IFT88: variants seen among roughly 807,000 people sequenced by gnomAD.
The protein encoded by IFT88 is intraflagellar transport 88.
Under a neutral mutation model 119.5 loss-of-function variants are expected in IFT88, and 74 were observed. The ratio of observed to expected loss-of-function variants is 0.62; its 90% CI spans 0.51 to 0.75. The LOEUF (loss-of-function observed/expected upper bound fraction) is 0.75. Among genes scored for constraint, IFT88 ranks in the 30% least tolerant of loss-of-function variants. The pLI, the probability that IFT88 is intolerant of heterozygous loss-of-function variation, is 0.00. For synonymous variants in IFT88, 279 were observed against 316.7 expected (o/e 0.88, Z 1.26); for missense variants, 961 against 977.7 (o/e 0.98, Z 0.23).
intron 16 of IFT88, chr13:20,631,773 G>C (rs868655062): frequency 2.0e-5 from 3 of 152,340 alleles, no homozygotes; most frequent in Admixed American, 6.5e-5. Flanking sequence ...GCAAGGAACT[G>C]CTGGGAGGGA....
At chr13:20,651,621 G>T (rs926463862) in intron 20 of IFT88, among the ~76,000 whole-genome samples, 1 of 151,660 alleles carries the variant, frequency 6.6e-6, no homozygotes, top group South Asian at 2.1e-4. Flanking sequence ...GTTACCCTCA[G>T]TAAAGTACAA....
chr13:20,690,093 A>AG (rs1185418391), intron 24 of IFT88, among the ~76,000 whole-genome samples: 5 of 152,188 alleles, frequency 3.3e-5, no homozygotes, highest in Non-Finnish European at 7.4e-5. Context: ...TTATTCCCAG[A>AG]GACATTATCA....
intron 1 of IFT88, among the ~76,000 whole-genome samples, chr13:20,573,652 C>T (rs2036819678): frequency 6.6e-6 from 1 of 152,176 alleles, no homozygotes; most frequent in South Asian, 2.1e-4. Flanking sequence ...TATCATTTTA[C>T]ACTCCCATCA....
At chr13:20,657,610 A>T (rs956187990) in intron 22 of IFT88, among the ~76,000 whole-genome samples, 1 of 152,108 alleles carries the variant, frequency 6.6e-6, no homozygotes, top group Admixed American at 6.5e-5. Flanking sequence ...ATAAAATAAT[A>T]TGCTGGAAAC....
rs1458276396 is a variant in IFT88, at chr13:20,596,230, A to C, written c.479A>C (p.Asp160Ala). Residue 160 changes from aspartate (D) to alanine (A), a missense_variant, in exon 8 of 26, where the codon GAC becomes GCC. Coordinates refer to ENST00000351808, the MANE Select transcript of IFT88 (RefSeq NM_006531.5). ...AGCTGTATTGCCAATAGTTGTGGAG[A>C]CTTAAAATTGGTAAGTTCATAAACA... The part of the protein sequence containing the change: ...EESCIANSCG[D>A]LKLALEKAKD... The C allele has an allele frequency of 6.7e-7, 1 of 1,493,416 alleles. No individual in the cohort carries two copies. Among genetic ancestry groups the C allele is most frequent in the African/African-American group, 1.4e-5 (1 of 71,774 alleles). The allele number at this position is 1,493,416 out of a possible 1,614,324, so 92.5% of individuals were successfully genotyped here. A position where few individuals can be genotyped will look rare whatever the true frequency, so the allele number is the denominator to read the frequency against.
At chr13:20,655,293 T>C (rs1415595545) in intron 21 of IFT88, among the ~76,000 whole-genome samples, 1 of 151,518 alleles carries the variant, frequency 6.6e-6, no homozygotes, top group Non-Finnish European at 1.5e-5. Flanking sequence ...TTAGCTGGGC[T>C]TGGTGGTGCA....
At chr13:20,661,726 CTCCA>C (rs1349455935) in intron 22 of IFT88, among the ~76,000 whole-genome samples, 1 of 142,322 alleles carries the variant, frequency 7.0e-6, no homozygotes, top group Non-Finnish European at 1.5e-5. Flanking sequence ...CAGAGCAAGA[CTCCA>C]TCTTAAAAAA....
intron 3 of IFT88, among the ~76,000 whole-genome samples, chr13:20,584,149 A>G (rs925832341): frequency 3.3e-5 from 2 of 61,436 alleles, no homozygotes; most frequent in South Asian, 1.8e-3. Flanking sequence ...ATGAATCTCT[A>G]TTTCTGTAAA....
In IFT88 at chr13:20,605,055, A is replaced by G; in HGVS notation, c.1062A>G (p.Leu354=). The G allele has an allele frequency of 6.7e-7, 1 of 1,499,450 alleles. No homozygotes were observed. Among genetic ancestry groups the G allele is most frequent in the Non-Finnish European group, 9.3e-7 (1 of 1,078,186 alleles). The allele number at this position is 1,499,450 out of a possible 1,614,324, so 92.9% of individuals were successfully genotyped here. ...ISPSDDPHTN[L]VTEAIKNDHL... is the part of the protein sequence containing the mutation. The stretch of plus-strand genomic sequence containing the variant: ...ACCAGGATGATCCTCATACTAACTT[A>G]GTAACTGAAGCTATAAAAAATGATC... Residue 354 remains leucine, a synonymous_variant, in exon 13 of 26, where the codon TTA becomes TTG. Coordinates refer to ENST00000351808, the MANE Select transcript of IFT88 (RefSeq NM_006531.5).
chr13:20,643,795 C>A (rs927688004), intron 19 of IFT88, among the ~76,000 whole-genome samples, 190 bp downstream of exon 19: 1 of 152,112 alleles, frequency 6.6e-6, no homozygotes, highest in African/African-American at 2.4e-5. Flanking sequence ...GCTCTGTCGC[C>A]CAGGCTGCTG....
chr13:20,650,447 C>T (rs760937439), intron 20 of IFT88, among the ~76,000 whole-genome samples: 7 of 152,082 alleles, frequency 4.6e-5, no homozygotes, highest in Non-Finnish European at 1.0e-4. Flanking sequence ...ATACTCCAAT[C>T]AGGAATAGAA....
intron 23 of IFT88, among the ~76,000 whole-genome samples, chr13:20,667,323 T>C (rs1204974949): frequency 1.3e-5 from 2 of 152,208 alleles, no homozygotes; most frequent in Non-Finnish European, 2.9e-5. Context: ...TCACTATGTT[T>C]ACAAGTGTTT....
intron 9 of IFT88, among the ~76,000 whole-genome samples, chr13:20,598,433 C>A (rs1306126533): frequency 6.6e-6 from 1 of 152,146 alleles, no homozygotes; most frequent in African/African-American, 2.4e-5. Flanking sequence ...AAATAGAATA[C>A]ATAGAAAATT....
At chr13:20,653,339 A>G (rs1457466696) in intron 20 of IFT88, among the ~76,000 whole-genome samples, 1 of 152,226 alleles carries the variant, frequency 6.6e-6, no homozygotes, top group Non-Finnish European at 1.5e-5. Flanking sequence ...CTTCCTTCAT[A>G]TCTTGCCATC....
intron 3 of IFT88, among the ~76,000 whole-genome samples, chr13:20,583,539 T>C (rs1423714883): frequency 1.3e-5 from 2 of 152,220 alleles, no homozygotes; most frequent in Non-Finnish European, 2.9e-5. Context: ...TAATGTCTTA[T>C]CAGATGTCTG....
intron 16 of IFT88, 164 bp downstream of exon 16, chr13:20,631,266 C>T (rs1005304270): frequency 3.6e-6 from 2 of 560,810 alleles, no homozygotes; most frequent in African/African-American, 3.7e-5. Context: ...AGGCCAGGGG[C>T]TGAGTTGGCA....
chr13:20,679,861 T>C lies in IFT88; in HGVS notation c.2242+8822T>C, dbSNP rs189630553. Among the ~76,000 whole-genome samples, 116 of 152,362 alleles carry C rather than the reference T, an allele frequency of 7.6e-4. 2 individuals are homozygous for C. The South Asian group carries it at 0.02, about 27-fold the overall frequency. On this transcript the variant is annotated intron_variant, in intron 24 of 25. Coordinates refer to ENST00000351808, the MANE Select transcript of IFT88 (RefSeq NM_006531.5). The stretch of plus-strand genomic sequence containing the variant: ...ATATCATTTGGGGTTGAGGTACCAC[T>C]ATACCACCATATGCCCAAATAATAG...
intron 14 of IFT88, among the ~76,000 whole-genome samples, chr13:20,622,081 T>G (rs926281408): frequency 6.6e-6 from 1 of 152,190 alleles, no homozygotes; most frequent in East Asian, 1.9e-4. Flanking sequence ...GTGTTTTGGA[T>G]TTTGAGGTTT....
chr13:20,615,631 T>G (rs2045480143), intron 13 of IFT88, among the ~76,000 whole-genome samples, 162 bp from the exon 14 acceptor site: 1 of 152,236 alleles, frequency 6.6e-6, no homozygotes, highest in Non-Finnish European at 1.5e-5. Context: ...GTCATGGTTT[T>G]AAACCTGAAT....
Sources: allele counts gnomAD v4.1 joint callset (sites outside exome capture counted in the v4.1 genomes callset), GRCh38; gene constraint gnomAD v4.1.1; transcripts MANE v1.5; gene names NCBI Gene and HGNC (gene_info 2026-07-23, HGNC 2026-07-21).